GATAD1: variants seen among roughly 807,000 people sequenced by gnomAD.
GATAD1 encodes the protein GATA zinc finger domain containing 1.
A neutral mutation model predicts 26.5 loss-of-function variants in GATAD1; 12 were observed. That is an observed-to-expected ratio of 0.45 (90% confidence interval 0.29 to 0.73). GATAD1 has a LOEUF of 0.73. Ranked by LOEUF, GATAD1 falls within the 30% of genes least tolerant of loss-of-function variation. The pLI is 0.10. For synonymous variants in GATAD1, 129 were observed against 133.1 expected, an observed-to-expected ratio of 0.97 and a Z score of 0.21; for missense variants, 266 against 342.1, an observed-to-expected ratio of 0.78 and a Z score of 1.75.
the GATAD1 span, among the ~76,000 whole-genome samples, chr7:92,475,593 G>A: frequency 6.7e-6 from 1 of 149,160 alleles, no homozygotes; most frequent in Non-Finnish European, 1.5e-5. Flanking sequence ...TCCAGGGTGC[G>A]TAACCACCCA....
At chr7:92,471,563 G>A in the GATAD1 span, 1 of 152,202 alleles carries the variant, frequency 6.6e-6, no homozygotes, top group Admixed American at 6.5e-5. Context: ...CTGAGTACTG[G>A]GGCTTGGTTT....
downstream of GATAD1, among the ~76,000 whole-genome samples, chr7:92,462,565 T>C (rs1789960102): frequency 6.6e-6 from 1 of 152,246 alleles, no homozygotes; most frequent in Non-Finnish European, 1.5e-5. Context: ...TTAAAATAGA[T>C]ATTTAGGTCC....
chr7:92,473,397 AG>A, the GATAD1 span, among the ~76,000 whole-genome samples: 2 of 151,930 alleles, frequency 1.3e-5, no homozygotes, highest in Non-Finnish European at 2.9e-5. Flanking sequence ...CTTGGGTCTG[AG>A]GGGGTACTGC....
At chr7:92,495,256 C>A in the GATAD1 span, among the ~76,000 whole-genome samples, 3 of 151,932 alleles carry the variant, frequency 2.0e-5, 1 homozygote, top group South Asian at 6.2e-4. Flanking sequence ...AATTCCATAT[C>A]TGGCAACAGG....
At chr7:92,488,351 G>A in the GATAD1 span, among the ~76,000 whole-genome samples, 4 of 151,984 alleles carry the variant, frequency 2.6e-5, no homozygotes, top group East Asian at 3.9e-4. Flanking sequence ...TAGCACTAAC[G>A]TATGTACACA....
chr7:92,491,209 C>T, the GATAD1 span: 9 of 1,163,944 alleles, frequency 7.7e-6, no homozygotes, highest in Non-Finnish European at 1.2e-5. Flanking sequence ...GAAATCACTG[C>T]AACTTTACAC....
At chr7:92,487,464 A>G in the GATAD1 span, 1 of 1,567,076 alleles carries the variant, frequency 6.4e-7, no homozygotes, top group South Asian at 1.1e-5. Context: ...ATTTTATGCT[A>G]AAGTTACTTT....
downstream of GATAD1, among the ~76,000 whole-genome samples, chr7:92,464,526 C>T (rs1434180679): frequency 6.6e-6 from 1 of 152,180 alleles, no homozygotes. Context: ...TCAGGCCTAC[C>T]ACAGTCAAGG....
chr7:92,478,714 C>G, the GATAD1 span, among the ~76,000 whole-genome samples: 1 of 152,282 alleles, frequency 6.6e-6, no homozygotes, highest in African/African-American at 2.4e-5. Flanking sequence ...CTCACCCATT[C>G]CAAACCATTC....
intron 3 of GATAD1, among the ~76,000 whole-genome samples, chr7:92,452,812 A>T (rs990858100): frequency 3.3e-5 from 5 of 152,224 alleles, no homozygotes; most frequent in African/African-American, 1.2e-4. Flanking sequence ...ATGAAAGTAG[A>T]TGTTTTGGAT....
At chr7:92,464,565 C>G (rs186676798), downstream of GATAD1, among the ~76,000 whole-genome samples, 1 of 152,290 alleles carries the variant, frequency 6.6e-6, no homozygotes, top group East Asian at 1.9e-4. Context: ...GTCCTCTGCA[C>G]AAATATCCGA....
the GATAD1 span, among the ~76,000 whole-genome samples, chr7:92,466,736 A>G: frequency 6.6e-6 from 1 of 152,196 alleles, no homozygotes; most frequent in Non-Finnish European, 1.5e-5. Context: ...AGAGAACTTG[A>G]CAGCACCACT....
chr7:92,449,558 C>T (rs549214101), intron 2 of GATAD1: 220 of 974,552 alleles, frequency 2.3e-4, no homozygotes, highest in South Asian at 2.1e-3. Flanking sequence ...ATATTCTTTT[C>T]TTTCAGAACA....
In GATAD1 at chr7:92,460,017, A is replaced by C. The variant is rs1188574873; in HGVS notation, c.*3455A>C. Among the ~76,000 whole-genome samples, 1 of 152,212 alleles carries C rather than the reference A, an allele frequency of 6.6e-6. No individual in the cohort carries two copies. The highest frequency in any genetic ancestry group is 1.5e-5 in the Non-Finnish European group (1 of 68,030). The stretch of plus-strand genomic sequence containing the variant: ...TTTTAAACAAGATGTTTTTAAGATG[A>C]GTTTTAAATAGTTCTCTTAACACAA... On this transcript the variant is annotated 3_prime_UTR_variant, in exon 5 of 5. Transcript: ENST00000287957.
chr7:92,462,115 C>T (rs144697355), downstream of GATAD1, among the ~76,000 whole-genome samples: 1,215 of 152,046 alleles, frequency 8.0e-3, 20 homozygotes, highest in African/African-American at 0.028. Context: ...TCTAAGAATC[C>T]ATGCTAAGAG....
At chr7:92,460,632 TA>T (rs947970958), downstream of GATAD1, among the ~76,000 whole-genome samples, 15 of 152,204 alleles carry the variant, frequency 9.9e-5, no homozygotes, top group African/African-American at 3.1e-4. Context: ...GCATCTTTTA[TA>T]AAAGATGGAA....
the GATAD1 span, chr7:92,477,782 G>T: frequency 6.8e-4 from 124 of 181,996 alleles, no homozygotes; most frequent in Non-Finnish European, 1.1e-3. Context: ...GGGAGTCAGC[G>T]GCAGGTCTGC....
At chr7:92,453,933 T>C (rs561144835) in intron 3 of GATAD1, 2 of 154,388 alleles carry the variant, frequency 1.3e-5, no homozygotes, top group South Asian at 2.0e-4. Context: ...TCTCTTTGTA[T>C]GATACTATAA....
chr7:92,470,084 G>A, the GATAD1 span: 1 of 778,174 alleles, frequency 1.3e-6, no homozygotes, highest in Non-Finnish European at 2.4e-6. Context: ...GTGACTCCAA[G>A]TCCTCCAGGA....
Sources: allele counts gnomAD v4.1 joint callset (sites outside exome capture counted in the v4.1 genomes callset), GRCh38; gene constraint gnomAD v4.1.1; transcripts MANE v1.5; gene names NCBI Gene and HGNC (gene_info 2026-07-23, HGNC 2026-07-21).